Variants in ATP10A observed in about 807,000 individuals in gnomAD.
The protein encoded by ATP10A is phospholipid-transporting ATPase VA.
Under a neutral mutation model 147.8 loss-of-function variants are expected in ATP10A, and 111 were observed. That is an observed-to-expected ratio of 0.75 (90% CI 0.64 to 0.88). ATP10A has a LOEUF of 0.88. Among genes scored for constraint, ATP10A ranks in the 40% least tolerant of loss-of-function variants. The pLI, the probability that ATP10A is intolerant of heterozygous loss-of-function variation, is 0.00. For missense variants in ATP10A, 1,927 were observed against 1,959.0 expected, an observed-to-expected ratio of 0.98 and a Z score of 0.31; for synonymous variants, 875 against 841.6, an observed-to-expected ratio of 1.04 and a Z score of -0.69.
At position 25,741,798 on chromosome 15, in the gene ATP10A, T is replaced by TCCACCAC. The variant is rs564886526; in HGVS notation, c.655-5664_655-5658dup. 3.3e-5 allele frequency among the ~76,000 whole-genome samples: 5 copies of TCCACCAC among 152,316 alleles called. No individual in the cohort carries two copies. In the South Asian group the frequency reaches 8.3e-4, roughly 25 times the overall value. ...GAAACAGCAAAGTAGTCTGTTTTTG[T>TCCACCAC]CCACCACGTGTCTCCTGACACATAG... On this transcript the variant is annotated intron_variant, in intron 2 of 20. Coordinates refer to ENST00000555815, the MANE Select transcript of ATP10A (RefSeq NM_024490.4).
intron 2 of ATP10A, among the ~76,000 whole-genome samples, chr15:25,764,557 G>A (rs1183974046): frequency 6.6e-6 from 1 of 152,160 alleles, no homozygotes; most frequent in Non-Finnish European, 1.5e-5. Context: ...GAGTGAAGGT[G>A]GCTGTCTGCA....
Position 25,862,929 on chromosome 15 carries a change from G to A in ATP10A, c.168C>T (p.Ala56=). ...KGERRRRRGC[A]QHLADNRLKT... ...TGAGCCGGTTGTCGGCCAGGTGCTG[G>A]GCACACCCGCGCCGCCGTCGCCGCT... Residue 56 remains alanine, a synonymous_variant, in exon 1 of 21, where the codon GCC becomes GCT. Coordinates refer to ENST00000555815, the MANE Select transcript of ATP10A (RefSeq NM_024490.4). 3 of 1,590,930 alleles carry A rather than the reference G, an allele frequency of 1.9e-6. No individual in the cohort carries two copies. The highest frequency in any genetic ancestry group is 2.6e-6 in the Non-Finnish European group (3 of 1,171,510).
chr15:25,687,381 G>C (rs149142372), intron 16 of ATP10A, among the ~76,000 whole-genome samples: 73 of 152,114 alleles, frequency 4.8e-4, no homozygotes, highest in South Asian at 1.2e-3. Context: ...AGGTTTACCA[G>C]CTGTGTGCCC....
chr15:25,843,293 A>G (rs1892890480), intron 1 of ATP10A, among the ~76,000 whole-genome samples: 1 of 142,616 alleles, frequency 7.0e-6, no homozygotes, highest in South Asian at 2.4e-4. Flanking sequence ...AACCCACATC[A>G]GTGTGTGCAG....
In ATP10A at chr15:25,714,030, G is replaced by A. The variant is rs777246990; in HGVS notation, c.1988C>T (p.Ser663Leu). The A allele has an allele frequency of 5.0e-6, 8 of 1,611,036 alleles. No individual in the cohort carries two copies. Among genetic ancestry groups the A allele is most frequent in the African/African-American group, 1.3e-5 (1 of 74,938 alleles). The change falls in exon 10 of 21, where the codon TCG (serine) becomes TTG (leucine). Residue 663 changes from serine (S) to leucine (L), a missense_variant. By Grantham distance (145) the Ser-to-Leu change is moderately radical. Coordinates refer to ENST00000555815, the MANE Select transcript of ATP10A (RefSeq NM_024490.4). ...RLEERLGQPTSAIASNGYSSQ... is the reference protein window; with the variant it reads ...RLEERLGQPTLAIASNGYSSQ... Reference sequence around the variant, plus strand: ...GCTGTAGCCGTTGCTGGCGATGGCCGAGGTGGGCTGGCCCAGCCTCTCCTC... The same window carrying A: ...GCTGTAGCCGTTGCTGGCGATGGCCAAGGTGGGCTGGCCCAGCCTCTCCTC...
chr15:25,781,051 G>T lies in ATP10A; in HGVS notation c.622C>A (p.Arg208=). 2 of 1,614,136 alleles carry T rather than the reference G, an allele frequency of 1.2e-6. No homozygotes were observed. Among genetic ancestry groups the T allele is most frequent in the South Asian group, 2.2e-5 (2 of 91,072 alleles). The change falls in exon 2 of 21, where the codon CGG becomes AGG. Residue 208 remains arginine, a synonymous_variant. Coordinates refer to ENST00000555815, the MANE Select transcript of ATP10A (RefSeq NM_024490.4). ...ANLDGETNLK[R]RQVVRGFSEL... The stretch of plus-strand genomic sequence containing the variant: ...GAGAAGCCGCGGACCACCTGCCGCC[G>T]CTTCAGGTTGGTCTCTCCATCCAGG...
rs781058018 is a variant in ATP10A, at chr15:25,721,920, C to T, written c.1111-11G>A. On this transcript the variant is annotated splice_polypyrimidine_tract_variant and intron_variant, in intron 6 of 20. Transcript: ENST00000555815. ...AATTGGGATCAAAACCTGGAAGAGA[C>T]AAGGCACACAGGATGAATGACCGTG... The T allele has an allele frequency of 8.1e-6, 13 of 1,607,728 alleles. No individual in the cohort carries two copies. Among genetic ancestry groups the T allele is most frequent in the Non-Finnish European group, 1.1e-5 (13 of 1,174,722 alleles).
At chr15:25,811,091 T>C (rs1298896687) in intron 1 of ATP10A, among the ~76,000 whole-genome samples, 1 of 152,170 alleles carries the variant, frequency 6.6e-6, no homozygotes, top group Non-Finnish European at 1.5e-5. Context: ...TTAAAGCCCA[T>C]GAACAGCCTT....
Position 25,721,247 on chromosome 15 carries a change from A to G in ATP10A, c.1363+410T>C, listed in dbSNP as rs17116030. The stretch of plus-strand genomic sequence containing the variant: ...ACTGTTCCAGGGAAGAGAACGAAAC[A>G]TGAATTAGCCAGTGCCCTTCTGAGG... On this transcript the variant is annotated intron_variant, in intron 7 of 20. Transcript: ENST00000555815. Among the ~76,000 whole-genome samples, 751 of 152,312 alleles carry G rather than the reference A, an allele frequency of 4.9e-3. 1 individual carries two copies. The highest frequency in any genetic ancestry group is 0.017 in the African/African-American group (702 of 41,560).
chr15:25,775,613 C>T (rs935620537), intron 2 of ATP10A, among the ~76,000 whole-genome samples: 3 of 152,246 alleles, frequency 2.0e-5, no homozygotes, highest in Non-Finnish European at 2.9e-5. Context: ...CATGTGCACA[C>T]GCCTGGGAAG....
chr15:25,849,234 G>C (rs556116650), intron 1 of ATP10A, among the ~76,000 whole-genome samples: 2 of 152,154 alleles, frequency 1.3e-5, no homozygotes, highest in Non-Finnish European at 2.9e-5. Flanking sequence ...AGAGGGGGCC[G>C]AGGGTGTGGA....
intron 1 of ATP10A, among the ~76,000 whole-genome samples, chr15:25,791,689 CCTCA>C (rs1387821196): frequency 6.6e-6 from 1 of 152,074 alleles, no homozygotes; most frequent in East Asian, 1.9e-4. Flanking sequence ...GCCTGGCCTC[CCTCA>C]CTTTTTCTAT....
In ATP10A at chr15:25,837,510, A is replaced by C. The variant is rs574227989; in HGVS notation, c.449+25138T>G. ...GGCGCAGGGAGTGGGAGAAATGCGGAGACGGTAGTCACAGGGCAGGAAGTT... is the reference window on the plus strand; with the variant it reads ...GGCGCAGGGAGTGGGAGAAATGCGGCGACGGTAGTCACAGGGCAGGAAGTT... On this transcript the variant is annotated intron_variant, in intron 1 of 20. Coordinates refer to ENST00000555815, the MANE Select transcript of ATP10A (RefSeq NM_024490.4). 2.2e-4 allele frequency among the ~76,000 whole-genome samples: 34 copies of C among 152,312 alleles called. 1 individual carries two copies. In the South Asian group the frequency reaches 6.6e-3, roughly 30 times the overall value.
chr15:25,707,578 C>A (rs939237115), intron 12 of ATP10A, among the ~76,000 whole-genome samples: 2 of 152,178 alleles, frequency 1.3e-5, no homozygotes, highest in Admixed American at 1.3e-4. Flanking sequence ...ATTTTCTTTT[C>A]ATTCACCTCG....
At chr15:25,675,319 A>G (rs1262641994), downstream of ATP10A, among the ~76,000 whole-genome samples, 1 of 152,234 alleles carries the variant, frequency 6.6e-6, no homozygotes, top group Non-Finnish European at 1.5e-5. Context: ...CTGTTGTTCC[A>G]AAACACTTGC....
chr15:25,675,879 G>GT (rs1899126918), downstream of ATP10A, among the ~76,000 whole-genome samples: 1 of 152,052 alleles, frequency 6.6e-6, no homozygotes, highest in Non-Finnish European at 1.5e-5. Flanking sequence ...CCGGGAGGTA[G>GT]AGGCTGCAGT....
chr15:25,845,219 AC>A (rs1892963633), intron 1 of ATP10A, among the ~76,000 whole-genome samples: 1 of 152,178 alleles, frequency 6.6e-6, no homozygotes, highest in Non-Finnish European at 1.5e-5. Flanking sequence ...AGGGACACAG[AC>A]TGAATGTATT....
intron 2 of ATP10A, among the ~76,000 whole-genome samples, chr15:25,755,007 C>T (rs1888342130): frequency 6.6e-6 from 1 of 152,166 alleles, no homozygotes; most frequent in African/African-American, 2.4e-5. Context: ...AGATATTCCC[C>T]ATACCCTATC....
intron 1 of ATP10A, among the ~76,000 whole-genome samples, chr15:25,840,261 T>C (rs372693448): frequency 1.3e-5 from 2 of 152,064 alleles, no homozygotes; most frequent in African/African-American, 4.8e-5. Flanking sequence ...ACTCACGTTA[T>C]AGGGGTTTGT....
Sources: allele counts gnomAD v4.1 joint callset (sites outside exome capture counted in the v4.1 genomes callset), GRCh38; gene constraint gnomAD v4.1.1; transcripts MANE v1.5; gene names NCBI Gene and HGNC (gene_info 2026-07-23, HGNC 2026-07-21).